Variants in THSD7B observed in about 807,000 individuals in gnomAD.
THSD7B encodes the protein thrombospondin type-1 domain-containing protein 7B.
THSD7B carries 138 observed loss-of-function variants against 213.6 expected under a neutral mutation model. The observed-to-expected ratio is 0.65, with a 90% CI of 0.56 to 0.74. The LOEUF is 0.74. Among genes scored for constraint, THSD7B ranks in the 30% least tolerant of loss-of-function variants. The pLI, the probability that THSD7B is intolerant of heterozygous loss-of-function variation, is 0.00. For synonymous variants in THSD7B, 742 were observed against 687.0 expected (o/e 1.08, Z -1.25); for missense variants, 1,931 against 1,991.5 (o/e 0.97, Z 0.58).
Position 137,212,209 on chromosome 2 carries a change from G to A in THSD7B, c.1724-18835G>A, listed in dbSNP as rs572607564. ...GCTTCACTTACATTAGATTCTGGTC[G>A]GTTTTTACTTTTTGTTTGTTTTTGG... On this transcript the variant is annotated intron_variant, in intron 7 of 27. Coordinates refer to ENST00000409968, the MANE Select transcript of THSD7B (RefSeq NM_001316349.2). 5.1e-4 allele frequency among the ~76,000 whole-genome samples: 77 copies of A among 151,886 alleles called. 1 individual carries two copies. In the South Asian group the frequency reaches 9.1e-3, roughly 18 times the overall value.
chr2:136,785,146 G>GTAT (rs1424148391), intron 1 of THSD7B, among the ~76,000 whole-genome samples: 2 of 152,172 alleles, frequency 1.3e-5, no homozygotes, highest in Admixed American at 1.3e-4. Flanking sequence ...CTGCTCCTGG[G>GTAT]TATTGTCAAG....
intron 2 of THSD7B, among the ~76,000 whole-genome samples, chr2:137,033,988 G>A (rs192320259): frequency 2.6e-4 from 20 of 76,900 alleles, no homozygotes; most frequent in East Asian, 1.2e-3. Flanking sequence ...TCCACCTCCC[G>A]CCCCCCATGT....
chr2:137,169,775 T>G (rs895292883), intron 6 of THSD7B, among the ~76,000 whole-genome samples: 1 of 152,124 alleles, frequency 6.6e-6, no homozygotes, highest in Non-Finnish European at 1.5e-5. Flanking sequence ...GATTGAAAAT[T>G]TACACTAAAG....
intron 20 of THSD7B, among the ~76,000 whole-genome samples, chr2:137,624,454 C>A (rs1019075722): frequency 1.3e-5 from 2 of 152,124 alleles, no homozygotes; most frequent in African/African-American, 2.4e-5. Context: ...AAAACAATGG[C>A]AACAAAAGTC....
chr2:137,372,812 G>A (rs954756985), intron 12 of THSD7B, among the ~76,000 whole-genome samples: 181 of 151,456 alleles, frequency 1.2e-3, no homozygotes, highest in African/African-American at 4.3e-3. Context: ...TCGTCATTTA[G>A]CATTAGGTAA....
At chr2:137,350,735 G>A (rs748640675) in intron 12 of THSD7B, among the ~76,000 whole-genome samples, 10 of 151,762 alleles carry the variant, frequency 6.6e-5, no homozygotes, top group Admixed American at 2.6e-4. Flanking sequence ...AGACAGGATC[G>A]TAGCTTTGAT....
intron 7 of THSD7B, among the ~76,000 whole-genome samples, chr2:137,175,651 C>G (rs1338908846): frequency 6.6e-6 from 1 of 152,138 alleles, no homozygotes; most frequent in East Asian, 1.9e-4. Context: ...AGAATGTTAC[C>G]TTTAATCTTG....
intron 12 of THSD7B, among the ~76,000 whole-genome samples, chr2:137,281,385 A>C (rs1298207901): frequency 6.6e-6 from 1 of 151,824 alleles, no homozygotes; most frequent in Non-Finnish European, 1.5e-5. Flanking sequence ...ACTGGATGAT[A>C]ATGTGACTTT....
chr2:137,631,172 A>G lies in THSD7B; in HGVS notation c.3799+10446A>G, dbSNP rs548891178. On this transcript the variant is annotated intron_variant, in intron 20 of 27. Transcript: ENST00000409968. ...AACAGTTTGAATCCAATTTATTTCA[A>G]TTTAGAGAGAGACCGATTCTAAGCT... 9.1e-4 allele frequency among the ~76,000 whole-genome samples: 138 copies of G among 152,334 alleles called. 3 individuals are homozygous for G. Among genetic ancestry groups the G allele is most frequent in the Middle Eastern group, 3.4e-3 (1 of 294 alleles).
At chr2:136,845,555 A>G (rs147145753) in intron 1 of THSD7B, among the ~76,000 whole-genome samples, 15 of 152,338 alleles carry the variant, frequency 9.8e-5, no homozygotes, top group East Asian at 5.8e-4. Context: ...ACATTTAATC[A>G]TAAGAGCATA....
At chr2:137,010,249 G>A (rs1254461907) in intron 2 of THSD7B, among the ~76,000 whole-genome samples, 2 of 152,190 alleles carry the variant, frequency 1.3e-5, no homozygotes, top group Non-Finnish European at 2.9e-5. Flanking sequence ...TATTGGCACA[G>A]TGAAGATAAG....
At chr2:137,435,016 C>T (rs1210155584) in intron 14 of THSD7B, among the ~76,000 whole-genome samples, 1 of 152,084 alleles carries the variant, frequency 6.6e-6, no homozygotes, top group East Asian at 1.9e-4. Context: ...TTATGTCCAT[C>T]TTTCTTTTTC....
rs530161600 is a variant in THSD7B, at chr2:137,507,738, A to G, written c.3139-55483A>G. On this transcript the variant is annotated intron_variant, in intron 15 of 27. Coordinates refer to ENST00000409968, the MANE Select transcript of THSD7B (RefSeq NM_001316349.2). ...TTTCTGTCTTCTTTCCTCTCTCTCT[A>G]CTTCTTTCCCTCTCCCTCCCTTCCT... Among the ~76,000 whole-genome samples, 7 of 143,846 alleles carry G rather than the reference A, an allele frequency of 4.9e-5. No individual in the cohort carries two copies. The East Asian group carries it at 1.4e-3, about 29-fold the overall frequency. 94.4% of individuals were successfully genotyped at this position (143,846 alleles called of 152,430 possible). A position where few individuals can be genotyped will look rare whatever the true frequency, so the allele number is the denominator to read the frequency against.
chr2:137,008,620 GT>G (rs1260717643), intron 2 of THSD7B, among the ~76,000 whole-genome samples: 4 of 151,958 alleles, frequency 2.6e-5, no homozygotes, highest in Non-Finnish European at 4.4e-5. Flanking sequence ...GTGTGTGTGT[GT>G]TTCTATTCAA....
chr2:137,396,117 C>T (rs1221890790), intron 12 of THSD7B, among the ~76,000 whole-genome samples: 1 of 147,988 alleles, frequency 6.8e-6, no homozygotes, highest in Non-Finnish European at 1.5e-5. Flanking sequence ...AAAACCAGCT[C>T]CTGGATTCAT....
At chr2:136,995,801 G>A (rs1336331302) in intron 2 of THSD7B, among the ~76,000 whole-genome samples, 1 of 152,164 alleles carries the variant, frequency 6.6e-6, no homozygotes, top group Non-Finnish European at 1.5e-5. Flanking sequence ...AAAGCTTGTC[G>A]AAGGTAGAAT....
At chr2:137,169,565 C>T (rs985034424) in intron 6 of THSD7B, among the ~76,000 whole-genome samples, 1 of 152,084 alleles carries the variant, frequency 6.6e-6, no homozygotes, top group Non-Finnish European at 1.5e-5. Context: ...CTATCAAACT[C>T]TCTCATTTTC....
rs73957710 is a variant in THSD7B, at chr2:136,906,785, A to T, written c.139+24468A>T. On this transcript the variant is annotated intron_variant, in intron 2 of 27. Transcript: ENST00000409968. Reference sequence around the variant, plus strand: ...AGTTTTTCTATCAAATTTTCACTCAAGTAGTTATGGCAATATTAGTTTAGT... The same window carrying T: ...AGTTTTTCTATCAAATTTTCACTCATGTAGTTATGGCAATATTAGTTTAGT... 9.1e-3 allele frequency among the ~76,000 whole-genome samples: 1,385 copies of T among 152,164 alleles called. 22 individuals are homozygous for T. Among genetic ancestry groups the T allele is most frequent in the African/African-American group, 0.031 (1,299 of 41,488 alleles).
chr2:137,168,992 G>T (rs1680186770), intron 6 of THSD7B, among the ~76,000 whole-genome samples: 1 of 151,872 alleles, frequency 6.6e-6, no homozygotes, highest in Admixed American at 6.6e-5. Context: ...ATGGAGGTAT[G>T]GAGGTATAAA....
Sources: gnomAD v4.1 joint callset for allele counts (sites outside exome capture counted in the v4.1 genomes callset) on GRCh38, gnomAD v4.1.1 for gene constraint, MANE v1.5 for transcripts, NCBI Gene and HGNC (gene_info 2026-07-23, HGNC 2026-07-21) for gene names.